PEPD: variants seen among roughly 807,000 people sequenced by gnomAD.
PEPD encodes the protein peptidase D.
Under a neutral mutation model 60.7 loss-of-function variants are expected in PEPD, and 53 were observed. The observed-to-expected ratio is 0.87, with a 90% CI of 0.70 to 1.10. PEPD has a LOEUF of 1.10. PEPD is among the 50% of genes least tolerant of loss of function. The pLI is 0.00. For missense variants in PEPD, 711 were observed against 711.9 expected (o/e 1.00, Z 0.01); for synonymous variants, 267 against 284.1 (o/e 0.94, Z 0.60).
chr19:33,406,454 G>A (rs1373258585), intron 11 of PEPD, among the ~76,000 whole-genome samples: 2 of 152,234 alleles, frequency 1.3e-5, no homozygotes, highest in African/African-American at 4.8e-5. Flanking sequence ...TCCTGAGGGC[G>A]TTCTGTGGCC....
intron 9 of PEPD, among the ~76,000 whole-genome samples, chr19:33,460,924 G>A (rs1361276098): frequency 2.0e-5 from 3 of 152,168 alleles, no homozygotes; most frequent in Non-Finnish European, 4.4e-5. Flanking sequence ...GTAGACAGGG[G>A]TGACATCTCC....
At chr19:33,456,717 T>C (rs1048250004) in intron 9 of PEPD, among the ~76,000 whole-genome samples, 1 of 152,064 alleles carries the variant, frequency 6.6e-6, no homozygotes, top group Non-Finnish European at 1.5e-5. Context: ...CATTCTTACC[T>C]GGGGGCTCCG....
At chr19:33,424,780 T>C (rs1164229125) in intron 9 of PEPD, among the ~76,000 whole-genome samples, 2 of 151,934 alleles carry the variant, frequency 1.3e-5, no homozygotes, top group Non-Finnish European at 2.9e-5. Flanking sequence ...GGCCTCACAA[T>C]CATGGTGGAA....
intron 6 of PEPD, chr19:33,486,834 C>T (rs1204069029): frequency 2.0e-5 from 3 of 152,418 alleles, no homozygotes; most frequent in Non-Finnish European, 4.4e-5. Context: ...ACCACAAGCT[C>T]CTCTTCCCTG....
At chr19:33,506,657 T>C (rs1182841490) in intron 3 of PEPD, among the ~76,000 whole-genome samples, 6 of 64,890 alleles carry the variant, frequency 9.2e-5, no homozygotes, top group South Asian at 1.0e-3. Flanking sequence ...CCACACACAC[T>C]CCCTCACATG....
intron 9 of PEPD, among the ~76,000 whole-genome samples, chr19:33,448,174 T>C (rs1317661837): frequency 1.3e-5 from 2 of 151,938 alleles, no homozygotes; most frequent in Non-Finnish European, 2.9e-5. Context: ...AGGTGATAGG[T>C]CTGGATGAGG....
chr19:33,391,628 C>T, intron 12 of PEPD, 149 bp from the exon 13 acceptor site: 1 of 750,792 alleles, frequency 1.3e-6, no homozygotes, highest in Non-Finnish European at 2.3e-6. Context: ...CATCGGGGGC[C>T]CAGGGGGACA....
At chr19:33,395,668 C>T (rs1297210388) in intron 12 of PEPD, among the ~76,000 whole-genome samples, 2 of 152,224 alleles carry the variant, frequency 1.3e-5, no homozygotes, top group East Asian at 3.9e-4. Flanking sequence ...TCCATCACAG[C>T]CCCGAGGCCT....
intron 9 of PEPD, among the ~76,000 whole-genome samples, chr19:33,449,166 G>T (rs925872923): frequency 1.3e-5 from 2 of 152,242 alleles, no homozygotes; most frequent in South Asian, 4.1e-4. Flanking sequence ...CATCTTCCAT[G>T]TCCACCGAGG....
At chr19:33,515,883 C>T (rs1462734489) in intron 1 of PEPD, among the ~76,000 whole-genome samples, 2 of 152,050 alleles carry the variant, frequency 1.3e-5, no homozygotes, top group Non-Finnish European at 2.9e-5. Context: ...GCTGGCCTTC[C>T]CCTTGTTCAG....
At chr19:33,503,977 C>T (rs1970756364) in intron 3 of PEPD, among the ~76,000 whole-genome samples, 1 of 152,176 alleles carries the variant, frequency 6.6e-6, no homozygotes, top group South Asian at 2.1e-4. Context: ...AAATGCATTC[C>T]CGCCCCTCCT....
At chr19:33,424,555 G>A (rs1473809475) in intron 9 of PEPD, among the ~76,000 whole-genome samples, 9 of 152,160 alleles carry the variant, frequency 5.9e-5, no homozygotes, top group African/African-American at 1.9e-4. Flanking sequence ...TTTTAAAAAG[G>A]ACCAGAAGGC....
chr19:33,388,228 G>A (rs1280322497), intron 13 of PEPD, 147 bp from the exon 14 acceptor site: 1 of 736,886 alleles, frequency 1.4e-6, no homozygotes. Flanking sequence ...CCCCTGCTGT[G>A]CTGGGCCATG....
chr19:33,415,918 C>T (rs766775575), intron 9 of PEPD, among the ~76,000 whole-genome samples: 3 of 152,222 alleles, frequency 2.0e-5, no homozygotes, highest in Admixed American at 6.5e-5. Context: ...CCTTTTCTGA[C>T]GCAACTTGAG....
At chr19:33,433,322 T>C (rs1439105954) in intron 9 of PEPD, among the ~76,000 whole-genome samples, 2 of 152,148 alleles carry the variant, frequency 1.3e-5, no homozygotes, top group Non-Finnish European at 2.9e-5. Context: ...AGAGCTCTCT[T>C]CTCCCTGCCA....
chr19:33,467,721 G>A (rs192401426), intron 7 of PEPD, among the ~76,000 whole-genome samples: 1 of 152,314 alleles, frequency 6.6e-6, no homozygotes, highest in East Asian at 1.9e-4. Context: ...AGAGAGATGA[G>A]CTGGCAGGAG....
In PEPD at chr19:33,391,423, C is replaced by T. The variant is rs1255656482; in HGVS notation, c.1024G>A (p.Ala342Thr). The change falls in exon 13 of 15, where the codon GCC becomes ACC. Residue 342 changes from alanine (A) to threonine (T), a missense_variant. Physicochemically the swap from Ala to Thr is moderately conservative, Grantham distance 58 (BLOSUM62 0). Transcript: ENST00000244137. ...CTGCCGCTCAGGATGCCCATGTGGG[C>T]CAGCTCCTCCAGGTGGATGCGGTCA... is the stretch of plus-strand genomic sequence containing the variant. Reference protein sequence around the residue: ...LADRIHLEELAHMGILSGSVD... With the variant: ...LADRIHLEELTHMGILSGSVD... The T allele has an allele frequency of 1.3e-6, 2 of 1,568,998 alleles. No individual in the cohort carries two copies. Among genetic ancestry groups the T allele is most frequent in the East Asian group, 2.4e-5 (1 of 42,540 alleles).
At chr19:33,512,008 C>T (rs988740220) in intron 2 of PEPD, among the ~76,000 whole-genome samples, 5 of 152,216 alleles carry the variant, frequency 3.3e-5, no homozygotes, top group African/African-American at 7.2e-5. Flanking sequence ...ATCCTCTCCA[C>T]ACTCAGCTCC....
At chr19:33,454,340 A>T (rs1969756150) in intron 9 of PEPD, among the ~76,000 whole-genome samples, 1 of 152,184 alleles carries the variant, frequency 6.6e-6, no homozygotes, top group Non-Finnish European at 1.5e-5. Flanking sequence ...AGTGGCTCAC[A>T]CCTGTAATCC....
Sources: gnomAD v4.1 joint callset for allele counts (sites outside exome capture counted in the v4.1 genomes callset) on GRCh38, gnomAD v4.1.1 for gene constraint, MANE v1.5 for transcripts, NCBI Gene and HGNC (gene_info 2026-07-23, HGNC 2026-07-21) for gene names.